Variants in BAZ1A observed in about 807,000 individuals in gnomAD.
BAZ1A encodes bromodomain adjacent to zinc finger domain 1A, also known as bromodomain adjacent to zinc finger domain protein 1A.
A neutral mutation model predicts 185.2 loss-of-function variants in BAZ1A; 50 were observed. The ratio of observed to expected loss-of-function variants is 0.27; its 90% CI spans 0.22 to 0.34. The LOEUF (loss-of-function observed/expected upper bound fraction) is 0.34. BAZ1A is among the 10% of genes least tolerant of loss of function. The pLI is 1.00. For synonymous variants in BAZ1A, 571 were observed against 615.6 expected (o/e 0.93, Z 1.07); for missense variants, 1,356 against 1,839.9 (o/e 0.74, Z 4.81).
At chr14:34,786,611 T>TTTTG (rs1555339562) in intron 12 of BAZ1A, 1 of 145,808 alleles carries the variant, frequency 6.9e-6, no homozygotes, top group Non-Finnish European at 1.5e-5. Flanking sequence ...GTGTGTTTTT[T>TTTTG]TTTTTTTTTT....
At chr14:34,801,624 T>C (rs575464382) in intron 7 of BAZ1A, among the ~76,000 whole-genome samples, 3 of 152,302 alleles carry the variant, frequency 2.0e-5, no homozygotes, top group Admixed American at 1.3e-4. Context: ...TAAAGTATAA[T>C]TGGGCCGGGC....
chr14:34,764,285 TTTTC>T (rs1272481615), intron 23 of BAZ1A, among the ~76,000 whole-genome samples: 6 of 124,798 alleles, frequency 4.8e-5, no homozygotes, highest in Non-Finnish European at 9.6e-5. Context: ...TTCTTTTTTC[TTTTC>T]TTTTTTTTTT....
chr14:34,853,306 A>G (rs2042625636), intron 3 of BAZ1A, among the ~76,000 whole-genome samples: 1 of 152,232 alleles, frequency 6.6e-6, no homozygotes, highest in Admixed American at 6.5e-5. Context: ...GAACAACTAA[A>G]TAATAACTAA....
At chr14:34,819,361 TC>T in intron 4 of BAZ1A, among the ~76,000 whole-genome samples, 1 of 152,054 alleles carries the variant, frequency 6.6e-6, no homozygotes. Context: ...TGAGTATTCA[TC>T]CCTCCTTCTC....
rs369109480 is a variant in BAZ1A, at chr14:34,818,836, A to C, written c.536+7177T>G. Reference sequence around the variant, plus strand: ...AATTGTATGCTGAGGTTGCTAAATTAATCTATGATAAGAATGAATCTTCGG... The same window carrying C: ...AATTGTATGCTGAGGTTGCTAAATTCATCTATGATAAGAATGAATCTTCGG... On this transcript the variant is annotated intron_variant, in intron 4 of 26. Transcript: ENST00000360310. Among the ~76,000 whole-genome samples, 181 of 152,188 alleles carry C rather than the reference A, an allele frequency of 1.2e-3. 2 individuals are homozygous for C. The Middle Eastern group carries it at 0.014, about 11-fold the overall frequency.
chr14:34,860,518 T>TAAAAAAAAAAAAAAAAAAAAAGAAAAA, intron 3 of BAZ1A, among the ~76,000 whole-genome samples: 1 of 70,606 alleles, frequency 1.4e-5, no homozygotes, highest in South Asian at 5.0e-4. Flanking sequence ...TACCAAAAGT[T>TAAAAAAAAAAAAAAAAAAAAAGAAAAA]AAAAAAAAAA....
At chr14:34,766,810 G>A (rs562703160) in intron 21 of BAZ1A, among the ~76,000 whole-genome samples, 1 of 152,292 alleles carries the variant, frequency 6.6e-6, no homozygotes, top group African/African-American at 2.4e-5. Flanking sequence ...AGGAATGAGA[G>A]TTAATCAAAA....
intron 9 of BAZ1A, among the ~76,000 whole-genome samples, chr14:34,797,810 A>C (rs1301716591): frequency 6.6e-6 from 1 of 152,178 alleles, no homozygotes; most frequent in Non-Finnish European, 1.5e-5. Flanking sequence ...ACTGGTGCCC[A>C]TGGAGGGCGA....
intron 3 of BAZ1A, among the ~76,000 whole-genome samples, chr14:34,850,322 G>A (rs967704598): frequency 9.9e-5 from 15 of 152,134 alleles, no homozygotes; most frequent in African/African-American, 3.1e-4. Flanking sequence ...AAATTGCAGC[G>A]ACCTGAGATC....
intron 3 of BAZ1A, among the ~76,000 whole-genome samples, chr14:34,847,427 C>A (rs61497742): frequency 6.6e-6 from 1 of 151,918 alleles, no homozygotes. Context: ...AGCTTTCTTT[C>A]TGAAAAAGAA....
At chr14:34,754,440 GAAA>G (rs1388271014) in intron 26 of BAZ1A, among the ~76,000 whole-genome samples, 2 of 147,980 alleles carry the variant, frequency 1.4e-5, no homozygotes, top group Non-Finnish European at 3.0e-5. Flanking sequence ...AAAGAAAAAA[GAAA>G]AAGAAGAAAG....
intron 14 of BAZ1A, among the ~76,000 whole-genome samples, chr14:34,784,323 G>A (rs550162414): frequency 8.9e-4 from 105 of 117,814 alleles, no homozygotes; most frequent in African/African-American, 3.4e-3. Context: ...CGCCAAGATC[G>A]CACCACTGCA....
intron 24 of BAZ1A, 126 bp downstream of exon 24, chr14:34,761,630 AT>A: frequency 1.3e-6 from 1 of 778,750 alleles, no homozygotes. Context: ...TTCAGGTCAG[AT>A]TGTTCCCTAA....
At chr14:34,848,337 G>A (rs939525220) in intron 3 of BAZ1A, among the ~76,000 whole-genome samples, 2 of 152,140 alleles carry the variant, frequency 1.3e-5, no homozygotes, top group African/African-American at 4.8e-5. Flanking sequence ...CAGGTGTGGT[G>A]GCTCGTGCCT....
In BAZ1A at chr14:34,844,775, G is replaced by GCACA. The variant is rs773913609; in HGVS notation, c.392+17268_392+17269insTGTG. On this transcript the variant is annotated intron_variant, in intron 3 of 26. Coordinates refer to ENST00000360310, the MANE Select transcript of BAZ1A (RefSeq NM_013448.3). Reference sequence around the variant, plus strand: ...CCTGTCTAAACACACACACACACACGCGCACACACACACACACACACACAC... The same window carrying GCACA: ...CCTGTCTAAACACACACACACACACGCACACGCACACACACACACACACACACAC... 2.0e-3 allele frequency among the ~76,000 whole-genome samples: 276 copies of GCACA among 135,574 alleles called. 1 individual carries two copies. The highest frequency in any genetic ancestry group is 7.8e-3 in the African/African-American group (268 of 34,466). The allele number at this position is 135,574 out of a possible 152,430, so 88.9% of individuals were successfully genotyped here. A position where few individuals can be genotyped will look rare whatever the true frequency, so the allele number is the denominator to read the frequency against.
chr14:34,827,854 A>G (rs1204887152), intron 3 of BAZ1A, among the ~76,000 whole-genome samples: 3 of 152,042 alleles, frequency 2.0e-5, no homozygotes, highest in Non-Finnish European at 4.4e-5. Flanking sequence ...GACAAAAGTT[A>G]TTCTCACAAC....
At chr14:34,844,959 T>G (rs768384176) in intron 3 of BAZ1A, among the ~76,000 whole-genome samples, 6 of 151,724 alleles carry the variant, frequency 4.0e-5, no homozygotes, top group Middle Eastern at 6.8e-3. Flanking sequence ...TTCCTTAATA[T>G]TTTTGGAATA....
intron 16 of BAZ1A, among the ~76,000 whole-genome samples, chr14:34,781,065 T>C (rs1446211428): frequency 1.3e-5 from 2 of 152,186 alleles, no homozygotes; most frequent in Non-Finnish European, 2.9e-5. Flanking sequence ...TTTAATTCAT[T>C]ATATTATCCA....
At chr14:34,794,161 C>T (rs1688511555) in intron 11 of BAZ1A, among the ~76,000 whole-genome samples, 1 of 151,944 alleles carries the variant, frequency 6.6e-6, no homozygotes, top group Admixed American at 6.6e-5. Context: ...CATTATAATT[C>T]TCTATTTCAA....
Sources: allele counts gnomAD v4.1 joint callset (sites outside exome capture counted in the v4.1 genomes callset), GRCh38; gene constraint gnomAD v4.1.1; transcripts MANE v1.5; gene names NCBI Gene and HGNC (gene_info 2026-07-23, HGNC 2026-07-21).